The following PCDH15 variants were observed in gnomAD, a reference collection of about 807,000 sequenced individuals.
The protein encoded by PCDH15 is protocadherin related 15, also known as protocadherin-15.
Under a neutral mutation model 178.5 loss-of-function variants are expected in PCDH15, and 129 were observed. The observed-to-expected ratio is 0.72, with a 90% confidence interval of 0.63 to 0.84. The LOEUF (loss-of-function observed/expected upper bound fraction) is 0.84. Ranked by LOEUF, PCDH15 falls within the 40% of genes least tolerant of loss-of-function variation. PCDH15 has a pLI of 0.00. For synonymous variants in PCDH15, 800 were observed against 732.0 expected (o/e 1.09, Z -1.50); for missense variants, 2,230 against 2,099.9 (o/e 1.06, Z -1.21).
At position 54,370,042 on chromosome 10, in the gene PCDH15, A is replaced by G. The variant is rs866762634; in HGVS notation, c.319-767T>C. 4.6e-5 allele frequency among the ~76,000 whole-genome samples: 7 copies of G among 152,036 alleles called. No individual in the cohort carries two copies. In the South Asian group the frequency reaches 1.4e-3, roughly 31 times the overall value. On this transcript the variant is annotated intron_variant, in intron 4 of 37. Transcript: ENST00000644397. ...GTCATTATAAAAAATACTTCAATAC[A>G]TAGTATACATAAGCATATGCTTACT...
rs1327350655 is a variant in PCDH15 at position 55,464,595 on chromosome 10, A to T, written c.-156+163030T>A. ...GATGTATTCTTAGTTCAAACACTGT[A>T]AAAATGGCCTAAAACAGTAAATGGG... On this transcript the variant is annotated intron_variant, in intron 2 of 5. Coordinates refer to the PCDH15 transcript ENST00000613346. Among the ~76,000 whole-genome samples the T allele has an allele frequency of 5.3e-5, 8 of 150,762 alleles. No homozygotes were observed. The East Asian group carries it at 1.6e-3, about 29-fold the overall frequency.
intron 1 of PCDH15, among the ~76,000 whole-genome samples, chr10:54,672,180 T>C (rs939337134): frequency 7.2e-5 from 11 of 151,956 alleles, no homozygotes; most frequent in African/African-American, 2.7e-4. Flanking sequence ...CCCACTGATT[T>C]TACATTATGG....
chr10:54,832,006 T>G (rs2133752110), intron 3 of PCDH15, among the ~76,000 whole-genome samples: 1 of 152,272 alleles, frequency 6.6e-6, no homozygotes, highest in African/African-American at 2.4e-5. Context: ...TTTTGGTGTA[T>G]TTTCCTTGGT....
intron 15 of PCDH15, among the ~76,000 whole-genome samples, chr10:54,120,611 A>G (rs1217558910): frequency 6.6e-6 from 1 of 152,186 alleles, no homozygotes; most frequent in African/African-American, 2.4e-5. Context: ...GCAAACAGAA[A>G]AGGAAAAGAA....
intron 18 of PCDH15, among the ~76,000 whole-genome samples, chr10:54,046,824 A>G (rs1206663128): frequency 6.6e-6 from 1 of 152,132 alleles, no homozygotes. Context: ...TTAAAGTTTA[A>G]AGGACAAGAG....
intron 3 of PCDH15, among the ~76,000 whole-genome samples, chr10:54,396,490 A>C (rs1202991465): frequency 2.0e-5 from 3 of 152,108 alleles, no homozygotes; most frequent in Non-Finnish European, 2.9e-5. Context: ...ATTGAGGAAA[A>C]AAATATTATT....
At chr10:55,566,354 A>G (rs944331715) in intron 2 of PCDH15, among the ~76,000 whole-genome samples, 3 of 151,826 alleles carry the variant, frequency 2.0e-5, no homozygotes, top group African/African-American at 7.2e-5. Flanking sequence ...CATATAAAAC[A>G]TCATAGTCAA....
chr10:54,851,091 T>C (rs1275310889), intron 3 of PCDH15, among the ~76,000 whole-genome samples: 1 of 152,188 alleles, frequency 6.6e-6, no homozygotes, highest in Non-Finnish European at 1.5e-5. Flanking sequence ...GCTTTTTCAA[T>C]ATTTGGAAGG....
chr10:54,571,774 A>C (rs1930152), intron 2 of PCDH15, among the ~76,000 whole-genome samples: 1 of 152,126 alleles, frequency 6.6e-6, no homozygotes, highest in Admixed American at 6.6e-5. Flanking sequence ...ATTTCATCTA[A>C]TTTTAGCAGC....
intron 3 of PCDH15, among the ~76,000 whole-genome samples, chr10:54,381,577 G>A (rs1344351326): frequency 6.7e-6 from 1 of 149,536 alleles, no homozygotes. Context: ...ATAAAAAGAT[G>A]GGAGGCACGA....
chr10:54,467,819 C>CT (rs981121811), intron 3 of PCDH15, among the ~76,000 whole-genome samples: 34 of 151,544 alleles, frequency 2.2e-4, no homozygotes, highest in Middle Eastern at 3.4e-3. Context: ...TGTTGGGAGA[C>CT]TTTTTATTGT....
intron 25 of PCDH15, among the ~76,000 whole-genome samples, chr10:53,912,323 C>T (rs2083164991): frequency 6.6e-6 from 1 of 152,150 alleles, no homozygotes; most frequent in Admixed American, 6.5e-5. Context: ...TCTGACAAAT[C>T]CACAGCCAGT....
chr10:55,190,117 T>C (rs1002232417), intron 1 of PCDH15, among the ~76,000 whole-genome samples: 4 of 151,806 alleles, frequency 2.6e-5, no homozygotes, highest in African/African-American at 4.8e-5. Flanking sequence ...TCATAGTCTC[T>C]ATGTCAAGCA....
chr10:53,924,239 C>T (rs1400332367), intron 25 of PCDH15, among the ~76,000 whole-genome samples: 1 of 152,158 alleles, frequency 6.6e-6, no homozygotes, highest in African/African-American at 2.4e-5. Flanking sequence ...AGCGTGAGTT[C>T]CGGTGGGCAT....
intron 1 of PCDH15, among the ~76,000 whole-genome samples, chr10:54,775,071 A>G (rs1949543734): frequency 6.6e-6 from 1 of 152,198 alleles, no homozygotes; most frequent in South Asian, 2.1e-4. Flanking sequence ...ACATATTATA[A>G]AAGAATTATG....
intron 2 of PCDH15, among the ~76,000 whole-genome samples, chr10:55,134,614 T>C (rs1485706031): frequency 6.6e-6 from 1 of 152,192 alleles, no homozygotes; most frequent in Non-Finnish European, 1.5e-5. Context: ...AATTTTATCT[T>C]CTGGTTTTTG....
At chr10:55,420,103 A>C (rs1421767354) in intron 2 of PCDH15, among the ~76,000 whole-genome samples, 1 of 151,730 alleles carries the variant, frequency 6.6e-6, no homozygotes, top group Admixed American at 6.6e-5. Context: ...CATATTGCTT[A>C]TACTCCTCAT....
intron 3 of PCDH15, among the ~76,000 whole-genome samples, chr10:54,475,173 C>T (rs987528802): frequency 1.6e-4 from 24 of 151,810 alleles, no homozygotes; most frequent in African/African-American, 4.6e-4. Flanking sequence ...CGCATTGCCA[C>T]GATTAAGTGG....
intron 22 of PCDH15, among the ~76,000 whole-genome samples, chr10:53,960,063 TCACTTG>T (rs1383804812): frequency 6.6e-6 from 1 of 152,182 alleles, no homozygotes; most frequent in East Asian, 1.9e-4. Flanking sequence ...GTTATTATTT[TCACTTG>T]CTAGATGAGA....
Sources: gnomAD v4.1 joint callset for allele counts (sites outside exome capture counted in the v4.1 genomes callset) on GRCh38, gnomAD v4.1.1 for gene constraint, MANE v1.5 for transcripts, NCBI Gene and HGNC (gene_info 2026-07-23, HGNC 2026-07-21) for gene names.